The following SMOC2 variants were observed in gnomAD, a reference collection of about 807,000 sequenced individuals.
SMOC2 encodes SPARC related modular calcium binding 2.
SMOC2 carries 39 observed loss-of-function variants against 61.4 expected under a neutral mutation model. The ratio of observed to expected loss-of-function variants is 0.64; its 90% CI spans 0.49 to 0.83. SMOC2 has a LOEUF of 0.83. SMOC2 is among the 40% of genes least tolerant of loss of function. The probability of loss-of-function intolerance (pLI) is 0.00; values close to 1 mark genes in which losing one functional copy is unlikely to be tolerated. For synonymous variants in SMOC2, 247 were observed against 239.9 expected, an observed-to-expected ratio of 1.03 and a Z score of -0.27; for missense variants, 556 against 592.9, an observed-to-expected ratio of 0.94 and a Z score of 0.65.
chr6:168,463,546 G>A (rs914437083), intron 1 of SMOC2, among the ~76,000 whole-genome samples: 1 of 152,130 alleles, frequency 6.6e-6, no homozygotes, highest in Non-Finnish European at 1.5e-5. Context: ...GTGAAGATGT[G>A]GGGAGTGATG....
chr6:168,613,343 G>A (rs373500199), intron 9 of SMOC2, among the ~76,000 whole-genome samples: 1 of 152,154 alleles, frequency 6.6e-6, no homozygotes, highest in African/African-American at 2.4e-5. Flanking sequence ...TGGTTCAGCA[G>A]TGGCACCAGT....
chr6:168,607,100 C>T (rs145451375), intron 8 of SMOC2, among the ~76,000 whole-genome samples: 3 of 151,986 alleles, frequency 2.0e-5, no homozygotes, highest in Admixed American at 2.0e-4. Flanking sequence ...ACCTCCCCGG[C>T]GTCTCCTTCA....
chr6:168,590,927 C>A (rs1409863542), intron 7 of SMOC2, among the ~76,000 whole-genome samples: 1 of 151,880 alleles, frequency 6.6e-6, no homozygotes, highest in Non-Finnish European at 1.5e-5. Flanking sequence ...ACCAACTTTA[C>A]AAAGGTAGCT....
chr6:168,568,211 G>A (rs897567281), intron 7 of SMOC2, among the ~76,000 whole-genome samples: 6 of 152,150 alleles, frequency 3.9e-5, no homozygotes, highest in South Asian at 2.1e-4. Context: ...GGCGAAGACC[G>A]GATGGTGTGA....
chr6:168,599,339 CCA>C (rs1438698339), intron 8 of SMOC2, among the ~76,000 whole-genome samples: 13 of 135,666 alleles, frequency 9.6e-5, no homozygotes, highest in East Asian at 7.3e-4. Flanking sequence ...ACACTCATAC[CCA>C]CACACAACCA....
intron 9 of SMOC2, among the ~76,000 whole-genome samples, chr6:168,638,645 C>T (rs768540842): frequency 5.3e-5 from 8 of 152,130 alleles, no homozygotes; most frequent in Non-Finnish European, 7.4e-5. Context: ...GGAATTCCCG[C>T]GGAGTGGAGT....
intron 9 of SMOC2, among the ~76,000 whole-genome samples, chr6:168,628,189 T>C (rs1348050941): frequency 6.6e-6 from 1 of 152,250 alleles, no homozygotes; most frequent in African/African-American, 2.4e-5. Flanking sequence ...AAACACACTT[T>C]GGAGAGCCTC....
At chr6:168,658,669 G>A (rs967007050) in intron 11 of SMOC2, among the ~76,000 whole-genome samples, 3 of 152,168 alleles carry the variant, frequency 2.0e-5, no homozygotes, top group Non-Finnish European at 2.9e-5. Flanking sequence ...AGCAATTGGC[G>A]GGTTTTCAGG....
At chr6:168,601,930 C>T (rs1275694466) in intron 8 of SMOC2, among the ~76,000 whole-genome samples, 8 of 152,178 alleles carry the variant, frequency 5.3e-5, no homozygotes, top group Admixed American at 5.2e-4. Context: ...CTATTTCTGC[C>T]TACAGAAGCG....
At position 168,510,018 on chromosome 6, in the gene SMOC2, G is replaced by C. The variant is rs138763725; in HGVS notation, c.188G>C (p.Arg63Pro). 1.9e-6 allele frequency: 3 copies of C among 1,614,174 alleles called. No homozygotes were observed. The highest frequency in any genetic ancestry group is 2.5e-6 in the Non-Finnish European group (3 of 1,180,032). ...TCTGACGGAAGGACCTTCCTTTCCC[G>C]TTGTGAATTTCAACGTGCCAAGTGC... ...CASDGRTFLS[R>P]CEFQRAKCKD... Residue 63 changes from arginine (R) to proline (P), a missense_variant, in exon 2 of 13, where the codon CGT becomes CCT. Coordinates refer to ENST00000356284, the MANE Select transcript of SMOC2 (RefSeq NM_001166412.2).
At chr6:168,536,077 G>T (rs1190311429) in intron 4 of SMOC2, among the ~76,000 whole-genome samples, 1 of 152,190 alleles carries the variant, frequency 6.6e-6, no homozygotes, top group Non-Finnish European at 1.5e-5. Flanking sequence ...GGAGTTTCTG[G>T]CCTGGCAGGT....
intron 7 of SMOC2, among the ~76,000 whole-genome samples, chr6:168,550,419 C>T (rs545202670): frequency 1.3e-5 from 2 of 152,306 alleles, no homozygotes; most frequent in South Asian, 2.1e-4. Context: ...ACACACCCAA[C>T]CTGAAAAGGA....
At chr6:168,560,356 T>C (rs1784372414) in intron 7 of SMOC2, among the ~76,000 whole-genome samples, 1 of 152,242 alleles carries the variant, frequency 6.6e-6, no homozygotes, top group African/African-American at 2.4e-5. Flanking sequence ...AGTTATATGT[T>C]GCGTCTGCAT....
chr6:168,632,578 T>C (rs755459439), intron 9 of SMOC2, among the ~76,000 whole-genome samples: 6 of 152,212 alleles, frequency 3.9e-5, no homozygotes, highest in Non-Finnish European at 8.8e-5. Flanking sequence ...TTTGGCTTCG[T>C]TGTATTTCAT....
chr6:168,490,697 T>C (rs1782453785), intron 1 of SMOC2, among the ~76,000 whole-genome samples: 1 of 152,228 alleles, frequency 6.6e-6, no homozygotes, highest in South Asian at 2.1e-4. Flanking sequence ...TCAGTGCACC[T>C]GCCATGATGC....
chr6:168,563,487 T>C (rs776383334), intron 7 of SMOC2, among the ~76,000 whole-genome samples: 1 of 152,110 alleles, frequency 6.6e-6, no homozygotes, highest in Admixed American at 6.6e-5. Flanking sequence ...TGCTAAAATA[T>C]TGTGTGTCTG....
chr6:168,457,833 T>C (rs557024546), intron 1 of SMOC2, among the ~76,000 whole-genome samples: 1 of 152,228 alleles, frequency 6.6e-6, no homozygotes, highest in East Asian at 1.9e-4. Context: ...TTCTAATGAG[T>C]CTAATAGAAA....
intron 7 of SMOC2, among the ~76,000 whole-genome samples, chr6:168,579,766 A>G (rs1426391261): frequency 6.6e-6 from 1 of 151,850 alleles, no homozygotes; most frequent in African/African-American, 2.4e-5. Context: ...CCTGTGAGTC[A>G]GGGCTGGGGA....
At chr6:168,481,182 A>G (rs1782197943) in intron 1 of SMOC2, among the ~76,000 whole-genome samples, 1 of 152,178 alleles carries the variant, frequency 6.6e-6, no homozygotes, top group African/African-American at 2.4e-5. Context: ...TGTCAGTTAT[A>G]TAGTATCATT....
Sources: gnomAD v4.1 joint callset for allele counts (sites outside exome capture counted in the v4.1 genomes callset) on GRCh38, gnomAD v4.1.1 for gene constraint, MANE v1.5 for transcripts, NCBI Gene and HGNC (gene_info 2026-07-23, HGNC 2026-07-21) for gene names.